GKAP1: variants seen among roughly 807,000 people sequenced by gnomAD.
The protein encoded by GKAP1 is G kinase anchoring protein 1, also known as G kinase-anchoring protein 1.
A neutral mutation model predicts 56.7 loss-of-function variants in GKAP1; 31 were observed. The ratio of observed to expected loss-of-function variants is 0.55; its 90% CI spans 0.41 to 0.74. The LOEUF is 0.74. GKAP1 is among the 30% of genes least tolerant of loss of function. The pLI is 0.00. For missense variants in GKAP1, 364 were observed against 402.3 expected (o/e 0.90, Z 0.82); for synonymous variants, 151 against 138.6 (o/e 1.09, Z -0.63).
At chr9:83,757,555 G>T (rs1162036189) in intron 8 of GKAP1, among the ~76,000 whole-genome samples, 1 of 152,192 alleles carries the variant, frequency 6.6e-6, no homozygotes, top group East Asian at 1.9e-4. Flanking sequence ...TAAGGACTTT[G>T]GGTGTCAGGT....
intron 9 of GKAP1, among the ~76,000 whole-genome samples, chr9:83,750,634 A>G (rs1943373282): frequency 6.6e-6 from 1 of 152,128 alleles, no homozygotes; most frequent in Non-Finnish European, 1.5e-5. Context: ...TTATGTATAC[A>G]TTTTATTTTA....
chr9:83,767,610 C>A (rs1943686608), intron 8 of GKAP1, among the ~76,000 whole-genome samples: 1 of 152,076 alleles, frequency 6.6e-6, no homozygotes, highest in African/African-American at 2.4e-5. Flanking sequence ...GATTCGCCAG[C>A]CTCAGTCTCC....
chr9:83,802,246 C>A (rs1003175388), intron 3 of GKAP1, among the ~76,000 whole-genome samples: 3 of 151,980 alleles, frequency 2.0e-5, no homozygotes, highest in African/African-American at 7.3e-5. Flanking sequence ...TTTGGGAGGC[C>A]GAGGCAGGCG....
intron 8 of GKAP1, among the ~76,000 whole-genome samples, chr9:83,760,362 T>C (rs11140239): frequency 0.55 from 82,873 of 151,730 alleles, 23,513 homozygotes; most frequent in Admixed American, 0.69. Flanking sequence ...CACCCAGATA[T>C]ATAAAGCAAA....
intron 11 of GKAP1, 107 bp from the exon 12 acceptor site, chr9:83,742,136 A>G: frequency 1.4e-6 from 1 of 696,060 alleles, no homozygotes; most frequent in Non-Finnish European, 2.5e-6. Flanking sequence ...ATGGATGAGT[A>G]ACAGAGAAGC....
At chr9:83,797,601 A>AAT (rs1944268150) in intron 4 of GKAP1, among the ~76,000 whole-genome samples, 1 of 152,208 alleles carries the variant, frequency 6.6e-6, no homozygotes, top group Admixed American at 6.5e-5. Context: ...CATCAGTAGT[A>AAT]TACTCAGCAG....
At chr9:83,740,996 G>A (rs1943197344) in intron 12 of GKAP1, among the ~76,000 whole-genome samples, 1 of 152,032 alleles carries the variant, frequency 6.6e-6, no homozygotes, top group African/African-American at 2.4e-5. Flanking sequence ...TTTGGAACAG[G>A]AGATGTGTAA....
intron 3 of GKAP1, among the ~76,000 whole-genome samples, chr9:83,802,265 G>A (rs1039388200): frequency 4.6e-5 from 7 of 151,866 alleles, no homozygotes; most frequent in African/African-American, 9.7e-5. Flanking sequence ...CGGATCACGA[G>A]GTCAGGAGTT....
intron 4 of GKAP1, among the ~76,000 whole-genome samples, chr9:83,791,048 A>G (rs1944149306): frequency 6.6e-6 from 1 of 152,174 alleles, no homozygotes; most frequent in Non-Finnish European, 1.5e-5. Flanking sequence ...TTTTCATATT[A>G]ACTTACAGAA....
At chr9:83,804,609 C>A (rs1489449182) in intron 3 of GKAP1, among the ~76,000 whole-genome samples, 2 of 133,078 alleles carry the variant, frequency 1.5e-5, no homozygotes, top group Non-Finnish European at 3.2e-5. Context: ...GCCGCCCCAT[C>A]CAGGAGGGAG....
chr9:83,775,669 A>C (rs1306861996), intron 7 of GKAP1, among the ~76,000 whole-genome samples: 2 of 152,006 alleles, frequency 1.3e-5, no homozygotes, highest in East Asian at 3.9e-4. Context: ...TGAGGCCAGG[A>C]GTTTGAGACC....
chr9:83,799,255 G>T lies in GKAP1; in HGVS notation c.290C>A (p.Pro97Gln), dbSNP rs755258027. Residue 97 changes from proline to glutamine, a missense_variant, in exon 4 of 13, where the codon CCA becomes CAA. Pro to Gln is a moderately conservative substitution (Grantham distance 76). Transcript: ENST00000376371. ...HAVCNAQHDLPLSNPVQKDSR... is the reference protein window; with the variant it reads ...HAVCNAQHDLQLSNPVQKDSR... ...ATCCTTCTGTACTGGGTTTGACAATGGAAGATCATGTTGAGCGTTACAAAC... is the reference window on the plus strand; with the variant it reads ...ATCCTTCTGTACTGGGTTTGACAATTGAAGATCATGTTGAGCGTTACAAAC... The T allele has an allele frequency of 6.2e-7, 1 of 1,608,916 alleles. No homozygotes were observed. The highest frequency in any genetic ancestry group is 1.1e-5 in the South Asian group (1 of 89,966).
chr9:83,758,404 T>G (rs752333064), intron 8 of GKAP1, among the ~76,000 whole-genome samples: 1 of 152,094 alleles, frequency 6.6e-6, no homozygotes, highest in South Asian at 2.1e-4. Flanking sequence ...AAAATACCTA[T>G]GCATCTAGGC....
chr9:83,781,846 CTT>C (rs147452137), intron 6 of GKAP1, among the ~76,000 whole-genome samples: 8 of 137,992 alleles, frequency 5.8e-5, no homozygotes, highest in East Asian at 2.1e-4. Flanking sequence ...TGTATTTCTT[CTT>C]TTTTTTTTTT....
At chr9:83,776,319 C>T (rs1434681566) in intron 7 of GKAP1, among the ~76,000 whole-genome samples, 4 of 151,944 alleles carry the variant, frequency 2.6e-5, no homozygotes, top group Non-Finnish European at 5.9e-5. Flanking sequence ...TTAGGTAAAA[C>T]CAGATTCTAG....
intron 9 of GKAP1, among the ~76,000 whole-genome samples, chr9:83,750,214 A>G (rs956969700): frequency 6.6e-6 from 1 of 152,220 alleles, no homozygotes; most frequent in Admixed American, 6.5e-5. Context: ...CTGCATATAT[A>G]AAAATATAAA....
At chr9:83,780,047 AAGATTAAAATATAGAGTGAG>A (rs1187862582) in intron 7 of GKAP1, among the ~76,000 whole-genome samples, 1 of 152,108 alleles carries the variant, frequency 6.6e-6, no homozygotes, top group Non-Finnish European at 1.5e-5. Context: ...GTTTTTAATA[AAGATTAAAATATAGAGTGAG>A]AGATTAAACC....
intron 4 of GKAP1, among the ~76,000 whole-genome samples, chr9:83,797,139 G>C (rs1280928334): frequency 6.6e-6 from 1 of 152,192 alleles, no homozygotes; most frequent in Non-Finnish European, 1.5e-5. Context: ...CTAGCTCTCA[G>C]ATTGTATGCT....
At chr9:83,749,377 C>A (rs1029053122) in intron 9 of GKAP1, among the ~76,000 whole-genome samples, 5 of 152,040 alleles carry the variant, frequency 3.3e-5, no homozygotes, top group Admixed American at 6.6e-5. Context: ...CAGGTGTGTG[C>A]CACCATGACT....
Sources: gnomAD v4.1 joint callset for allele counts (sites outside exome capture counted in the v4.1 genomes callset) on GRCh38, gnomAD v4.1.1 for gene constraint, MANE v1.5 for transcripts, NCBI Gene and HGNC (gene_info 2026-07-23, HGNC 2026-07-21) for gene names.